Variants in TLE1 observed in about 807,000 individuals in gnomAD.
TLE1 encodes the protein transducin-like enhancer protein 1.
Under a neutral mutation model 89.8 loss-of-function variants are expected in TLE1, and 21 were observed. That is an observed-to-expected ratio of 0.23 (90% CI 0.17 to 0.34). The LOEUF (loss-of-function observed/expected upper bound fraction) is 0.34. Among genes scored for constraint, TLE1 ranks in the 10% least tolerant of loss-of-function variants. TLE1 has a pLI of 1.00. For synonymous variants in TLE1, 447 were observed against 407.6 expected, an observed-to-expected ratio of 1.10 and a Z score of -1.16; for missense variants, 795 against 1,031.2, an observed-to-expected ratio of 0.77 and a Z score of 3.14.
chr9:81,617,770 A>G (rs1442525337), intron 9 of TLE1, among the ~76,000 whole-genome samples: 2 of 152,054 alleles, frequency 1.3e-5, no homozygotes, highest in African/African-American at 4.8e-5. Flanking sequence ...TCAAGCCTAT[A>G]ATCCCAGCAC....
chr9:81,671,601 C>T (rs1211676707), intron 4 of TLE1, among the ~76,000 whole-genome samples: 2 of 151,470 alleles, frequency 1.3e-5, no homozygotes, highest in African/African-American at 2.4e-5. Context: ...GCCAAGATTG[C>T]GCCACTACAC....
intron 9 of TLE1, among the ~76,000 whole-genome samples, chr9:81,617,788 G>A (rs1333106423): frequency 2.0e-5 from 3 of 152,144 alleles, no homozygotes; most frequent in Non-Finnish European, 4.4e-5. Context: ...CACTTTGGGA[G>A]GCCGAGGCAG....
chr9:81,615,657 G>A (rs1356796579), intron 11 of TLE1, among the ~76,000 whole-genome samples: 1 of 148,998 alleles, frequency 6.7e-6, no homozygotes, highest in East Asian at 2.0e-4. Flanking sequence ...AGGCTGCAGT[G>A]AGCTGAGACT....
chr9:81,633,297 GTGTGTGTGT>G (rs1415608472), intron 8 of TLE1, 42 bp downstream of exon 8: 27 of 292,244 alleles, frequency 9.2e-5, no homozygotes, highest in Middle Eastern at 7.7e-4. Flanking sequence ...CCGTGTGTGT[GTGTGTGTGT>G]GTGTGTGTGT....
At chr9:81,591,614 G>A (rs768484694) in intron 15 of TLE1, among the ~76,000 whole-genome samples, 25 of 152,166 alleles carry the variant, frequency 1.6e-4, no homozygotes, top group Admixed American at 1.6e-3. Context: ...GGGGCTGTGG[G>A]TGGGGGGCCC....
intron 4 of TLE1, among the ~76,000 whole-genome samples, chr9:81,666,005 T>C (rs1054576533): frequency 5.3e-5 from 8 of 152,152 alleles, no homozygotes; most frequent in African/African-American, 1.7e-4. Context: ...GCAGAGCATT[T>C]GGGCTTTAAT....
At chr9:81,668,553 CCA>C (rs1346549231) in intron 4 of TLE1, among the ~76,000 whole-genome samples, 32 of 152,068 alleles carry the variant, frequency 2.1e-4, no homozygotes, top group Admixed American at 2.0e-3. Flanking sequence ...ATTATACAAT[CCA>C]CAGAGGAATC....
chr9:81,681,146 T>C (rs771274253), intron 4 of TLE1, among the ~76,000 whole-genome samples: 1 of 152,154 alleles, frequency 6.6e-6, no homozygotes, highest in Non-Finnish European at 1.5e-5. Context: ...GCCTGAGATG[T>C]TGCTTGCTGA....
At chr9:81,630,200 G>C (rs1459983376) in intron 8 of TLE1, among the ~76,000 whole-genome samples, 1 of 151,434 alleles carries the variant, frequency 6.6e-6, no homozygotes, top group Non-Finnish European at 1.5e-5. Context: ...TTTGGTCCGA[G>C]GATCCCTTAA....
At chr9:81,676,977 C>T (rs1276465334) in intron 4 of TLE1, among the ~76,000 whole-genome samples, 1 of 152,206 alleles carries the variant, frequency 6.6e-6, no homozygotes, top group Non-Finnish European at 1.5e-5. Flanking sequence ...TGGCTCACGC[C>T]TATAATCCCA....
At chr9:81,584,639 T>C in intron 18 of TLE1, 115 bp from the exon 19 acceptor site, 1 of 892,920 alleles carries the variant, frequency 1.1e-6, no homozygotes, top group Admixed American at 2.2e-5. Context: ...TATCATGCCC[T>C]AAGGACTGGT....
chr9:81,650,034 T>C (rs934806589), intron 6 of TLE1, among the ~76,000 whole-genome samples: 1 of 152,146 alleles, frequency 6.6e-6, no homozygotes, highest in Non-Finnish European at 1.5e-5. Context: ...AGACACACAA[T>C]GGGCCTAAGT....
intron 4 of TLE1, among the ~76,000 whole-genome samples, chr9:81,666,362 T>C (rs993048870): frequency 6.6e-6 from 1 of 152,138 alleles, no homozygotes; most frequent in African/African-American, 2.4e-5. Flanking sequence ...CATATCTTAG[T>C]CATTAGAGAG....
chr9:81,676,037 A>C (rs1197117535), intron 4 of TLE1, among the ~76,000 whole-genome samples: 1 of 152,104 alleles, frequency 6.6e-6, no homozygotes, highest in Non-Finnish European at 1.5e-5. Context: ...TTTTAATCTG[A>C]ATTCCATGGA....
At chr9:81,664,789 G>A (rs1284642570) in intron 4 of TLE1, among the ~76,000 whole-genome samples, 2 of 152,076 alleles carry the variant, frequency 1.3e-5, no homozygotes, top group African/African-American at 2.4e-5. Context: ...AAACTCCAGC[G>A]TACACGAGGA....
At chr9:81,684,454 C>A (rs1834007773) in intron 4 of TLE1, among the ~76,000 whole-genome samples, 1 of 152,160 alleles carries the variant, frequency 6.6e-6, no homozygotes, top group East Asian at 1.9e-4. Context: ...ATCTAATGTA[C>A]ACGATAACTT....
chr9:81,633,260 G>T, intron 8 of TLE1, 88 bp downstream of exon 8: 2 of 1,596,892 alleles, frequency 1.3e-6, no homozygotes, highest in Non-Finnish European at 1.7e-6. Flanking sequence ...GTCTGTGCCT[G>T]TGTGGAGAAG....
intron 8 of TLE1, 108 bp downstream of exon 8, chr9:81,633,240 G>A: frequency 2.6e-6 from 4 of 1,568,552 alleles, no homozygotes; most frequent in Non-Finnish European, 3.5e-6. Flanking sequence ...CAGGGAGAGT[G>A]TGCATGTCTG....
chr9:81,648,889 C>T (rs1419581017), intron 6 of TLE1, among the ~76,000 whole-genome samples: 3 of 152,122 alleles, frequency 2.0e-5, no homozygotes, highest in African/African-American at 7.2e-5. Flanking sequence ...GAGTAAGTTC[C>T]CCTCCCACAA....
Sources: gnomAD v4.1 joint callset for allele counts (sites outside exome capture counted in the v4.1 genomes callset) on GRCh38, gnomAD v4.1.1 for gene constraint, MANE v1.5 for transcripts, NCBI Gene and HGNC (gene_info 2026-07-23, HGNC 2026-07-21) for gene names.